NAV2: variants seen among roughly 807,000 people sequenced by gnomAD.
NAV2 encodes helicase, APC down-regulated 1.
In NAV2, 54 loss-of-function variants were observed where a neutral mutation model predicts 223.2. That is an observed-to-expected ratio of 0.24 (90% CI 0.19 to 0.30). The LOEUF (loss-of-function observed/expected upper bound fraction) is 0.30, where lower values mean the gene tolerates loss of function less well. NAV2 is among the 10% of genes least tolerant of loss of function. The probability of loss-of-function intolerance (pLI) is 1.00; values close to 1 mark genes in which losing one functional copy is unlikely to be tolerated. For missense variants in NAV2, 2,806 were observed against 3,147.5 expected, an observed-to-expected ratio of 0.89 and a Z score of 2.60; for synonymous variants, 1,279 against 1,239.3, an observed-to-expected ratio of 1.03 and a Z score of -0.67.
chr11:19,346,203 T>C (rs1425478188), upstream of NAV2, among the ~76,000 whole-genome samples: 1 of 152,212 alleles, frequency 6.6e-6, no homozygotes, highest in Non-Finnish European at 1.5e-5. Context: ...TTCTGTGATC[T>C]GTGTATATGG....
At chr11:19,654,177 C>A (rs2048051101) in intron 1 of NAV2, among the ~76,000 whole-genome samples, 1 of 152,164 alleles carries the variant, frequency 6.6e-6, no homozygotes. Flanking sequence ...AGGAATCCAA[C>A]TTACAAGGGA....
At chr11:19,677,188 A>G (rs575367130) in intron 1 of NAV2, among the ~76,000 whole-genome samples, 1 of 152,230 alleles carries the variant, frequency 6.6e-6, no homozygotes, top group Non-Finnish European at 1.5e-5. Context: ...CTGCACAAAG[A>G]GTCTCCCCAT....
At chr11:19,961,655 TTCCTTTCC>T (rs2048359579) in intron 10 of NAV2, among the ~76,000 whole-genome samples, 1 of 152,194 alleles carries the variant, frequency 6.6e-6, no homozygotes. Flanking sequence ...GGGAAATTTC[TTCCTTTCC>T]TGAGCCTCCC....
At chr11:19,818,431 A>G (rs1481805313) in intron 1 of NAV2, among the ~76,000 whole-genome samples, 3 of 151,932 alleles carry the variant, frequency 2.0e-5, no homozygotes, top group Non-Finnish European at 2.9e-5. Context: ...GCATTATTAT[A>G]TAGTATTTCC....
upstream of NAV2, among the ~76,000 whole-genome samples, chr11:19,710,192 G>A (rs996763012): frequency 5.3e-5 from 8 of 152,092 alleles, no homozygotes; most frequent in Admixed American, 2.6e-4. Context: ...GTGATCAGGC[G>A]GCTATTTCCA....
chr11:19,494,678 G>T (rs1032193), intron 1 of NAV2, among the ~76,000 whole-genome samples: 72,015 of 151,978 alleles, frequency 0.47, 17,987 homozygotes, highest in Admixed American at 0.59. Flanking sequence ...CCCCACCCCG[G>T]GTTTCCTGAG....
At chr11:19,774,014 G>C (rs2055930694) in intron 1 of NAV2, among the ~76,000 whole-genome samples, 1 of 152,138 alleles carries the variant, frequency 6.6e-6, no homozygotes, top group Admixed American at 6.5e-5. Context: ...AACCCCATGT[G>C]ATGTGAACAC....
intron 1 of NAV2, among the ~76,000 whole-genome samples, chr11:19,526,783 C>A (rs1590411886): frequency 6.6e-6 from 1 of 152,288 alleles, no homozygotes; most frequent in East Asian, 1.9e-4. Flanking sequence ...GAAGTTCATT[C>A]CAGCTTTCTG....
chr11:19,883,492 A>C (rs2063344510), intron 5 of NAV2, among the ~76,000 whole-genome samples: 1 of 152,202 alleles, frequency 6.6e-6, no homozygotes. Flanking sequence ...CTGTGTCTAC[A>C]CAGATAATCA....
chr11:19,635,387 C>CCAGT (rs1487800596), intron 1 of NAV2, among the ~76,000 whole-genome samples: 1 of 152,162 alleles, frequency 6.6e-6, no homozygotes, highest in African/African-American at 2.4e-5. Flanking sequence ...GAAGCAGTAG[C>CCAGT]ACCAGTCAGA....
intron 1 of NAV2, among the ~76,000 whole-genome samples, chr11:19,479,368 C>G (rs1049104070): frequency 6.6e-6 from 1 of 152,082 alleles, no homozygotes; most frequent in African/African-American, 2.4e-5. Flanking sequence ...AAATAATGCT[C>G]CACTGCTGGA....
At chr11:19,853,585 T>C (rs1008013466) in intron 3 of NAV2, among the ~76,000 whole-genome samples, 1 of 152,254 alleles carries the variant, frequency 6.6e-6, no homozygotes, top group Non-Finnish European at 1.5e-5. Flanking sequence ...CTTTTTGCAA[T>C]GTGGCCCAGG....
chr11:19,524,992 C>T (rs1476293106), intron 1 of NAV2, among the ~76,000 whole-genome samples: 1 of 152,062 alleles, frequency 6.6e-6, no homozygotes, highest in African/African-American at 2.4e-5. Context: ...TCCTGTTAAT[C>T]CCGGGTTTGA....
At chr11:20,100,084 A>G (rs374294954) in intron 31 of NAV2, among the ~76,000 whole-genome samples, 1 of 152,192 alleles carries the variant, frequency 6.6e-6, no homozygotes, top group East Asian at 1.9e-4. Context: ...AAAACAGTAC[A>G]TACTCTTCAG....
chr11:19,624,952 A>G (rs1473373709), intron 1 of NAV2, among the ~76,000 whole-genome samples: 1 of 152,222 alleles, frequency 6.6e-6, no homozygotes, highest in African/African-American at 2.4e-5. Flanking sequence ...ACAAATAATA[A>G]TTGTACATAC....
intron 1 of NAV2, among the ~76,000 whole-genome samples, chr11:19,694,968 ATACTC>A (rs1283332623): frequency 1.8e-4 from 28 of 152,096 alleles, no homozygotes; most frequent in Admixed American, 1.3e-4. Context: ...GTGTGACCTG[ATACTC>A]TCTACCTCAG....
At chr11:19,989,029 A>G (rs1035198089) in intron 11 of NAV2, among the ~76,000 whole-genome samples, 4 of 152,192 alleles carry the variant, frequency 2.6e-5, no homozygotes, top group African/African-American at 9.7e-5. Context: ...CCCTACTGAG[A>G]GCCACATAAG....
chr11:19,487,180 T>A (rs1041759979), intron 1 of NAV2, among the ~76,000 whole-genome samples: 1 of 152,218 alleles, frequency 6.6e-6, no homozygotes, highest in Non-Finnish European at 1.5e-5. Context: ...AGAGAGAGGA[T>A]GCAGCCAGTA....
At chr11:19,896,785 G>T (rs538750076) in intron 6 of NAV2, among the ~76,000 whole-genome samples, 1 of 152,158 alleles carries the variant, frequency 6.6e-6, no homozygotes. Flanking sequence ...TATTAAGAGG[G>T]ACTGTAAACT....
Sources: gnomAD v4.1 joint callset for allele counts (sites outside exome capture counted in the v4.1 genomes callset) on GRCh38, gnomAD v4.1.1 for gene constraint, MANE v1.5 for transcripts, NCBI Gene and HGNC (gene_info 2026-07-23, HGNC 2026-07-21) for gene names.